ANKAR: variants seen among roughly 807,000 people sequenced by gnomAD.
ANKAR encodes ankyrin and armadillo repeat-containing protein.
Under a neutral mutation model 146.2 loss-of-function variants are expected in ANKAR, and 136 were observed. The ratio of observed to expected loss-of-function variants is 0.93; its 90% CI spans 0.81 to 1.07. ANKAR has a LOEUF of 1.07. Among genes scored for constraint, ANKAR ranks in the 50% least tolerant of loss-of-function variants. The probability of loss-of-function intolerance (pLI) is 0.00; values close to 1 mark genes in which losing one functional copy is unlikely to be tolerated. For missense variants in ANKAR, 1,567 were observed against 1,679.9 expected, an observed-to-expected ratio of 0.93 and a Z score of 1.18; for synonymous variants, 500 against 575.8, an observed-to-expected ratio of 0.87 and a Z score of 1.88.
chr2:189,683,080 C>T, intron 2 of ANKAR, among the ~76,000 whole-genome samples: 1 of 152,156 alleles, frequency 6.6e-6, no homozygotes, highest in East Asian at 1.9e-4. Context: ...TCCCTCCCAC[C>T]CTGTACGGAT....
chr2:189,746,440 T>C lies in ANKAR; in HGVS notation c.4118T>C (p.Leu1373Ser). ...KIQPKDSLTLLPPVTNFMGLF... is the reference protein window; with the variant it reads ...KIQPKDSLTLSPPVTNFMGLF... ...CAACCAAAAGATTCTTTGACTTTATTACCTCCTGTAACTAACTTCATGGGA... is the reference window on the plus strand; with the variant it reads ...CAACCAAAAGATTCTTTGACTTTATCACCTCCTGTAACTAACTTCATGGGA... The change falls in exon 23 of 23, where the codon TTA (leucine) becomes TCA (serine). Residue 1373 changes from leucine to serine, a missense_variant. Transcript: ENST00000684021. 1 of 1,611,032 alleles carries C rather than the reference T, an allele frequency of 6.2e-7. No homozygotes were observed. Among genetic ancestry groups the C allele is most frequent in the Non-Finnish European group, 8.5e-7 (1 of 1,179,132 alleles).
intron 7 of ANKAR, among the ~76,000 whole-genome samples, chr2:189,696,769 T>C (rs2037267454): frequency 6.6e-6 from 1 of 152,184 alleles, no homozygotes; most frequent in African/African-American, 2.4e-5. Flanking sequence ...TACACTGATA[T>C]ACTATAGAAA....
At chr2:189,744,905 C>T in intron 22 of ANKAR, 117 bp downstream of exon 22, 3 of 741,178 alleles carry the variant, frequency 4.0e-6, no homozygotes, top group Non-Finnish European at 6.5e-6. Flanking sequence ...TGCCTGTAAT[C>T]CCAGCACTTT....
In ANKAR at chr2:189,728,833, T is replaced by G; in HGVS notation, c.3193+12T>G. 2 of 1,600,008 alleles carry G rather than the reference T, an allele frequency of 1.2e-6. No homozygotes were observed. Among genetic ancestry groups the G allele is most frequent in the Non-Finnish European group, 1.7e-6 (2 of 1,171,366 alleles). On this transcript the variant is annotated intron_variant, in intron 15 of 22. Coordinates refer to ENST00000684021, the MANE Select transcript of ANKAR (RefSeq NM_001378068.1). The stretch of plus-strand genomic sequence containing the variant: ...ATCCATTTGTATTGGTTTGTATACT[T>G]ATTCTCAATTTCTTAAATATCTGTA...
At chr2:189,675,252 A>T (rs2033356844) in intron 1 of ANKAR, among the ~76,000 whole-genome samples, 1 of 152,170 alleles carries the variant, frequency 6.6e-6, no homozygotes, top group South Asian at 2.1e-4. Flanking sequence ...AAATCAAACC[A>T]TTATATAGTA....
intron 2 of ANKAR, among the ~76,000 whole-genome samples, chr2:189,683,720 G>A (rs143926934): frequency 2.1e-3 from 324 of 152,260 alleles, no homozygotes; most frequent in African/African-American, 6.7e-3. Context: ...CACCATTCAC[G>A]TTTGGGAAAA....
At chr2:189,744,321 AT>A (rs2043756977) in intron 21 of ANKAR, among the ~76,000 whole-genome samples, 1 of 152,226 alleles carries the variant, frequency 6.6e-6, no homozygotes, top group Non-Finnish European at 1.5e-5. Context: ...TAACATTATA[AT>A]TGATAATTCT....
At chr2:189,727,765 T>C in intron 12 of ANKAR, 91 bp from the exon 13 acceptor site, 1 of 1,419,894 alleles carries the variant, frequency 7.0e-7, no homozygotes, top group African/African-American at 1.5e-5. Flanking sequence ...ATAAATTTGA[T>C]TTTATAATAT....
chr2:189,738,243 G>A (rs772180719), intron 18 of ANKAR, among the ~76,000 whole-genome samples: 16 of 152,090 alleles, frequency 1.1e-4, no homozygotes, highest in Admixed American at 3.9e-4. Flanking sequence ...GTATGTATCT[G>A]GGAAGTCTTA....
chr2:189,713,782 T>C (rs1367826134), intron 10 of ANKAR, among the ~76,000 whole-genome samples: 9 of 152,174 alleles, frequency 5.9e-5, no homozygotes, highest in Non-Finnish European at 1.3e-4. Context: ...TAAATGTAAA[T>C]GGGCTAAATG....
rs1316320466 is a variant in ANKAR, at chr2:189,755,280, G to C, written c.*585-5818G>C. ...AGACAGTGACCTCCAGAAATCAAAA[G>C]AACTAAAAAAGGAAATTCTACTTTA... is the stretch of plus-strand genomic sequence containing the variant. On this transcript the variant is annotated intron_variant and NMD_transcript_variant, in intron 18 of 18. Coordinates refer to the ANKAR transcript ENST00000441800. The C allele has an allele frequency of 9.3e-6, 15 of 1,613,026 alleles. No homozygotes were observed. The South Asian group carries it at 1.6e-4, about 18-fold the overall frequency.
Position 189,689,655 on chromosome 2 carries a change from A to G in ANKAR, c.730A>G (p.Met244Val), listed in dbSNP as rs2036118712. 2 of 1,613,800 alleles carry G rather than the reference A, an allele frequency of 1.2e-6. No individual in the cohort carries two copies. Among genetic ancestry groups the G allele is most frequent in the Non-Finnish European group, 1.7e-6 (2 of 1,179,796 alleles). ...ATTTATGAAATATGCTGAAAATATT[A>G]TGCTAAAGTTAACATTCAGTACCAC... ...AVFMKYAENI[M>V]LKLTFSTTQI... The change falls in exon 3 of 23, where the codon ATG becomes GTG. Residue 244 changes from methionine (M) to valine (V), a missense_variant. Physicochemically the swap from Met to Val is conservative, Grantham distance 21. Coordinates refer to ENST00000684021, the MANE Select transcript of ANKAR (RefSeq NM_001378068.1).
rs771647774 is a variant in ANKAR, at chr2:189,719,573, C to T, written c.2226C>T (p.Gly742=). The change falls in exon 11 of 23, where the codon GGC becomes GGT. Residue 742 remains glycine, a splice_region_variant and synonymous_variant. Coordinates refer to ENST00000684021, the MANE Select transcript of ANKAR (RefSeq NM_001378068.1). ...DQYWRCILDA[G]TIPALINLLK... Reference sequence around the variant, plus strand: ...ATTTTTTTGCTCTTGTCATTACAGGCACCATTCCTGCCTTAATCAATCTAT... The same window carrying T: ...ATTTTTTTGCTCTTGTCATTACAGGTACCATTCCTGCCTTAATCAATCTAT... 1.3e-6 allele frequency: 2 copies of T among 1,594,708 alleles called. No individual in the cohort carries two copies. Among genetic ancestry groups the T allele is most frequent in the Non-Finnish European group, 8.6e-7 (1 of 1,165,724 alleles).
intron 10 of ANKAR, among the ~76,000 whole-genome samples, chr2:189,713,136 C>T (rs139481026): frequency 0.046 from 7,065 of 152,138 alleles, 565 homozygotes; most frequent in African/African-American, 0.16. Context: ...ACCAAATCTA[C>T]GTCTGATTAG....
chr2:189,678,080 T>C (rs1446145172), intron 2 of ANKAR, among the ~76,000 whole-genome samples: 2 of 152,234 alleles, frequency 1.3e-5, no homozygotes, highest in Admixed American at 6.5e-5. Context: ...TATTCCCTTT[T>C]CACCACATCC....
chr2:189,741,835 C>A (rs898858890), intron 20 of ANKAR, among the ~76,000 whole-genome samples: 3 of 152,048 alleles, frequency 2.0e-5, no homozygotes, highest in African/African-American at 7.2e-5. Context: ...AAAAACAAAA[C>A]CCTACAAAAT....
chr2:189,692,878 T>C, intron 4 of ANKAR, 196 bp from the exon 5 acceptor site: 1 of 367,286 alleles, frequency 2.7e-6, no homozygotes, highest in Non-Finnish European at 4.9e-6. Flanking sequence ...ACCTTCTGTA[T>C]ACTATGTGTC....
At chr2:189,678,537 G>C (rs182923298) in intron 2 of ANKAR, among the ~76,000 whole-genome samples, 1 of 152,082 alleles carries the variant, frequency 6.6e-6, no homozygotes, top group Admixed American at 6.5e-5. Context: ...GGGTTTGTCC[G>C]AGTTATCTTC....
At chr2:189,732,746 T>C (rs796357000) in intron 16 of ANKAR, among the ~76,000 whole-genome samples, 7 of 152,102 alleles carry the variant, frequency 4.6e-5, no homozygotes, top group African/African-American at 1.4e-4. Flanking sequence ...CAAAATAGCT[T>C]TTTAATCCAT....
Sources: gnomAD v4.1 joint callset for allele counts (sites outside exome capture counted in the v4.1 genomes callset) on GRCh38, gnomAD v4.1.1 for gene constraint, MANE v1.5 for transcripts, NCBI Gene and HGNC (gene_info 2026-07-23, HGNC 2026-07-21) for gene names.